Variants in DIS3L2 observed in about 807,000 individuals in gnomAD.
DIS3L2 encodes DIS3 like 3'-5' exoribonuclease 2.
A neutral mutation model predicts 97.5 loss-of-function variants in DIS3L2; 34 were observed. The ratio of observed to expected loss-of-function variants is 0.35; its 90% CI spans 0.27 to 0.46. The LOEUF (loss-of-function observed/expected upper bound fraction) is 0.46, where lower values mean the gene tolerates loss of function less well. Ranked by LOEUF, DIS3L2 falls within the 20% of genes least tolerant of loss-of-function variation. The pLI, the probability that DIS3L2 is intolerant of heterozygous loss-of-function variation, is 1.00. For missense variants in DIS3L2, 1,038 were observed against 1,146.0 expected, an observed-to-expected ratio of 0.91 and a Z score of 1.36; for synonymous variants, 435 against 445.2, an observed-to-expected ratio of 0.98 and a Z score of 0.29.
intron 8 of DIS3L2, among the ~76,000 whole-genome samples, chr2:232,144,407 T>C (rs1690157884): frequency 6.6e-6 from 1 of 152,154 alleles, no homozygotes; most frequent in Admixed American, 6.5e-5. Context: ...CTGATGAGGT[T>C]GAACATCTTT....
chr2:232,118,080 T>C (rs1469041249), intron 6 of DIS3L2, among the ~76,000 whole-genome samples: 1 of 152,214 alleles, frequency 6.6e-6, no homozygotes, highest in Non-Finnish European at 1.5e-5. Flanking sequence ...TGTGGGCTCT[T>C]GGACTGATGA....
chr2:232,011,143 A>G (rs1453168114), intron 1 of DIS3L2, among the ~76,000 whole-genome samples: 1 of 152,190 alleles, frequency 6.6e-6, no homozygotes, highest in Non-Finnish European at 1.5e-5. Context: ...TTAAGAATGT[A>G]TAACTATTTC....
chr2:232,220,277 C>T (rs1692459077), intron 10 of DIS3L2, among the ~76,000 whole-genome samples: 1 of 151,974 alleles, frequency 6.6e-6, no homozygotes, highest in Non-Finnish European at 1.5e-5. Flanking sequence ...CCACTGCACT[C>T]CAGGCTGGGC....
intron 9 of DIS3L2, among the ~76,000 whole-genome samples, chr2:232,189,774 G>T (rs989723558): frequency 2.6e-5 from 4 of 152,134 alleles, no homozygotes; most frequent in African/African-American, 9.7e-5. Context: ...CAATATCCTG[G>T]TTTTGATATT....
At chr2:232,202,164 C>A (rs1312431489) in intron 9 of DIS3L2, among the ~76,000 whole-genome samples, 4 of 152,090 alleles carry the variant, frequency 2.6e-5, no homozygotes, top group Non-Finnish European at 5.9e-5. Context: ...CTTTGGGAGG[C>A]CGAGGTGGGT....
intron 11 of DIS3L2, among the ~76,000 whole-genome samples, chr2:232,248,087 A>G (rs979568432): frequency 6.6e-6 from 1 of 152,206 alleles, no homozygotes; most frequent in Non-Finnish European, 1.5e-5. Flanking sequence ...TCTAGAATTT[A>G]CTATTCCATA....
At chr2:232,079,621 A>G (rs1696325978) in intron 5 of DIS3L2, among the ~76,000 whole-genome samples, 1 of 150,804 alleles carries the variant, frequency 6.6e-6, no homozygotes, top group Non-Finnish European at 1.5e-5. Flanking sequence ...AAAAAAAAAA[A>G]AAAAGTAAAG....
chr2:232,136,564 C>T lies in DIS3L2; in HGVS notation c.795C>T (p.Tyr265=), dbSNP rs202042951. 982 of 1,614,030 alleles carry T rather than the reference C, an allele frequency of 6.1e-4. 1 individual carries two copies. Among genetic ancestry groups the T allele is most frequent in the Non-Finnish European group, 7.1e-4 (836 of 1,179,978 alleles). ...AGAACAGCGAACTGTTTAGGAAATA[C>T]GCCCTGTTTTCTCCCTCAGACCACC... ...ADKNSELFRK[Y]ALFSPSDHRV... Residue 265 remains tyrosine (Y), a synonymous_variant, in exon 8 of 21, where the codon TAC becomes TAT. Transcript: ENST00000325385.
chr2:232,024,905 A>G (rs1694617338), intron 4 of DIS3L2, among the ~76,000 whole-genome samples: 1 of 152,128 alleles, frequency 6.6e-6, no homozygotes, highest in African/African-American at 2.4e-5. Flanking sequence ...GTTTACACTG[A>G]TATATAGTTA....
chr2:232,229,266 G>T (rs59245529), intron 10 of DIS3L2, among the ~76,000 whole-genome samples: 11,924 of 152,030 alleles, frequency 0.078, 509 homozygotes, highest in African/African-American at 0.12. Context: ...CCATCACCTA[G>T]CCCCTGTATC....
chr2:232,130,815 C>A, intron 7 of DIS3L2, 96 bp downstream of exon 7: 7 of 1,389,272 alleles, frequency 5.0e-6, no homozygotes, highest in South Asian at 3.6e-5. Flanking sequence ...TGTATTTGGT[C>A]ATTTAATCAG....
At chr2:232,239,678 A>G (rs1693027131) in intron 11 of DIS3L2, among the ~76,000 whole-genome samples, 1 of 152,128 alleles carries the variant, frequency 6.6e-6, no homozygotes, top group African/African-American at 2.4e-5. Flanking sequence ...TATCCCCACC[A>G]TCCACCCTAG....
intron 14 of DIS3L2, 25 bp from the exon 15 acceptor site, chr2:232,329,788 C>CCG: frequency 1.9e-5 from 20 of 1,080,610 alleles, no homozygotes; most frequent in Middle Eastern, 3.2e-4. Flanking sequence ...CCAGCGGTCC[C>CCG]TCCCATCCCA....
At chr2:232,337,423 A>G (rs915703469), downstream of DIS3L2, among the ~76,000 whole-genome samples, 1 of 151,988 alleles carries the variant, frequency 6.6e-6, no homozygotes, top group Non-Finnish European at 1.5e-5. Context: ...TGGACAGAGG[A>G]GCCGGCCTGG....
At chr2:231,964,458 C>G (rs1352752742) in intron 1 of DIS3L2, among the ~76,000 whole-genome samples, 1 of 152,002 alleles carries the variant, frequency 6.6e-6, no homozygotes, top group East Asian at 1.9e-4. Flanking sequence ...TTGTTAATAG[C>G]ATGGACTTAC....
intron 7 of DIS3L2, 46 bp from the exon 8 acceptor site, chr2:232,136,426 C>A: frequency 6.2e-7 from 1 of 1,602,908 alleles, no homozygotes; most frequent in South Asian, 1.1e-5. Context: ...AAGTGTAATT[C>A]AGTTCTGCAG....
chr2:232,021,965 C>A (rs1694531991), intron 3 of DIS3L2, among the ~76,000 whole-genome samples: 1 of 152,044 alleles, frequency 6.6e-6, no homozygotes, highest in Admixed American at 6.6e-5. Flanking sequence ...CCTCACTGAT[C>A]AAGTTTCAGG....
Position 232,100,829 on chromosome 2 carries a change from G to GTGTGTATA in DIS3L2, c.601+13109_601+13110insGTGTATAT, listed in dbSNP as rs149798372. 2.8e-3 allele frequency among the ~76,000 whole-genome samples: 415 copies of GTGTGTATA among 148,154 alleles called. 1 individual carries two copies. The highest frequency in any genetic ancestry group is 4.6e-3 in the Non-Finnish European group (309 of 67,350). Reference sequence around the variant, plus strand: ...GGTGTGTGTGTGTGTGTGTGTGTGTGTATATATATCTCCACAAATTTGATT... The same window carrying GTGTGTATA: ...GGTGTGTGTGTGTGTGTGTGTGTGTGTGTGTATATATATATATCTCCACAAATTTGATT... On this transcript the variant is annotated intron_variant, in intron 6 of 20. Transcript: ENST00000325385.
chr2:232,212,048 T>C (rs1331577554), intron 10 of DIS3L2, among the ~76,000 whole-genome samples: 1 of 152,152 alleles, frequency 6.6e-6, no homozygotes, highest in Admixed American at 6.5e-5. Flanking sequence ...TAAAGAAAAC[T>C]GAAAGAAACA....
Sources: gnomAD v4.1 joint callset for allele counts (sites outside exome capture counted in the v4.1 genomes callset) on GRCh38, gnomAD v4.1.1 for gene constraint, MANE v1.5 for transcripts, NCBI Gene and HGNC (gene_info 2026-07-23, HGNC 2026-07-21) for gene names.